Variants in SLC22A3 observed in about 807,000 individuals in gnomAD.
The protein encoded by SLC22A3 is EMT organic cation transporter 3.
SLC22A3 carries 51 observed loss-of-function variants against 59.1 expected under a neutral mutation model. The ratio of observed to expected loss-of-function variants is 0.86; its 90% CI spans 0.69 to 1.09. The LOEUF is 1.09. Among genes scored for constraint, SLC22A3 ranks in the 50% least tolerant of loss-of-function variants. The pLI is 0.00. For synonymous variants in SLC22A3, 325 were observed against 292.0 expected (o/e 1.11, Z -1.15); for missense variants, 711 against 726.3 (o/e 0.98, Z 0.24).
At chr6:160,420,839 G>A (rs547578496) in intron 5 of SLC22A3, among the ~76,000 whole-genome samples, 3 of 152,306 alleles carry the variant, frequency 2.0e-5, no homozygotes, top group East Asian at 3.9e-4. Flanking sequence ...AAGAAGACAC[G>A]GGATTCCCGC....
At chr6:160,423,954 G>C (rs1284582735) in intron 5 of SLC22A3, among the ~76,000 whole-genome samples, 1 of 152,152 alleles carries the variant, frequency 6.6e-6, no homozygotes, top group East Asian at 1.9e-4. Flanking sequence ...TATGGTTTCA[G>C]GTCTAACATT....
chr6:160,426,639 AC>A (rs2114894760), intron 5 of SLC22A3, among the ~76,000 whole-genome samples: 1 of 152,138 alleles, frequency 6.6e-6, no homozygotes, highest in African/African-American at 2.4e-5. Flanking sequence ...TGTCTACCCA[AC>A]TTGTTCATGT....
intron 9 of SLC22A3, among the ~76,000 whole-genome samples, chr6:160,445,954 C>G (rs539095348): frequency 2.5e-4 from 38 of 152,308 alleles, no homozygotes; most frequent in Non-Finnish European, 4.6e-4. Context: ...TGGAAGCCAC[C>G]TGGCAGTAGA....
intron 5 of SLC22A3, among the ~76,000 whole-genome samples, chr6:160,436,335 C>T (rs1788333907): frequency 6.6e-6 from 1 of 152,154 alleles, no homozygotes; most frequent in Non-Finnish European, 1.5e-5. Flanking sequence ...TGTTAGATTA[C>T]AATAAATGGG....
At chr6:160,372,806 T>C (rs911591081) in intron 1 of SLC22A3, among the ~76,000 whole-genome samples, 4 of 152,222 alleles carry the variant, frequency 2.6e-5, no homozygotes, top group African/African-American at 9.6e-5. Context: ...GATACTTGTG[T>C]ATGCTTCACA....
At chr6:160,365,415 T>C (rs778244414) in intron 1 of SLC22A3, among the ~76,000 whole-genome samples, 7 of 152,186 alleles carry the variant, frequency 4.6e-5, no homozygotes, top group Non-Finnish European at 7.3e-5. Context: ...CAGAATCACA[T>C]GGAGGGCTTG....
chr6:160,437,939 G>T (rs2457012), intron 7 of SLC22A3, among the ~76,000 whole-genome samples: 131,936 of 152,144 alleles, frequency 0.87, 57,648 homozygotes, highest in East Asian at 1. Context: ...ATCCAGACAA[G>T]GAGCCTGAGA....
intron 7 of SLC22A3, 136 bp downstream of exon 7, chr6:160,437,347 G>C (rs1788381984): frequency 2.3e-6 from 2 of 885,462 alleles, no homozygotes; most frequent in Admixed American, 2.0e-5. Flanking sequence ...TCCATTTTCT[G>C]CTTAATCAGC....
At chr6:160,348,968 G>T in intron 1 of SLC22A3, 120 bp downstream of exon 1, 1 of 1,523,178 alleles carries the variant, frequency 6.6e-7, no homozygotes, top group Non-Finnish European at 8.8e-7. Flanking sequence ...GGACCGGTCG[G>T]CTACCTCTGG....
chr6:160,350,396 T>C (rs552565506), intron 1 of SLC22A3, among the ~76,000 whole-genome samples: 5 of 152,334 alleles, frequency 3.3e-5, no homozygotes, highest in South Asian at 2.1e-4. Flanking sequence ...ACTTAATCCA[T>C]GGTAAGGCTG....
intron 9 of SLC22A3, among the ~76,000 whole-genome samples, chr6:160,445,136 T>C (rs1788693180): frequency 6.6e-6 from 1 of 152,178 alleles, no homozygotes; most frequent in Non-Finnish European, 1.5e-5. Context: ...CAGAATGTGA[T>C]AACTGCTGAG....
intron 1 of SLC22A3, among the ~76,000 whole-genome samples, chr6:160,352,686 T>C (rs1159254086): frequency 6.6e-6 from 1 of 152,220 alleles, no homozygotes; most frequent in East Asian, 1.9e-4. Flanking sequence ...ATTGTTTGTT[T>C]TTATTAGAAG....
At chr6:160,444,709 T>C (rs991123749) in intron 9 of SLC22A3, among the ~76,000 whole-genome samples, 9 of 152,224 alleles carry the variant, frequency 5.9e-5, no homozygotes, top group Non-Finnish European at 1.3e-4. Flanking sequence ...GGTTGGCCCC[T>C]TTCTCACGCA....
At chr6:160,395,256 A>G (rs1315372968) in intron 1 of SLC22A3, among the ~76,000 whole-genome samples, 1 of 152,202 alleles carries the variant, frequency 6.6e-6, no homozygotes, top group Non-Finnish European at 1.5e-5. Flanking sequence ...TTATGGGTTT[A>G]AAGAATATTT....
chr6:160,403,525 G>A (rs889728542), intron 2 of SLC22A3, among the ~76,000 whole-genome samples: 1 of 151,886 alleles, frequency 6.6e-6, no homozygotes, highest in Non-Finnish European at 1.5e-5. Flanking sequence ...GAAGTAGAGG[G>A]ATTGCTTTCT....
At position 160,447,829 on chromosome 6, in the gene SLC22A3, A is replaced by C. The variant is rs1290927822; in HGVS notation, c.1610+11A>C. ...AGAAAAACTTGGCAGGTACTGTACA[A>C]AATTCAATGCACCCTAAATAAAAGC... On this transcript the variant is annotated intron_variant, in intron 10 of 10. Transcript: ENST00000275300. 4 of 1,581,020 alleles carry C rather than the reference A, an allele frequency of 2.5e-6. No individual in the cohort carries two copies. Among genetic ancestry groups the C allele is most frequent in the South Asian group, 1.1e-5 (1 of 90,450 alleles).
intron 1 of SLC22A3, among the ~76,000 whole-genome samples, chr6:160,384,010 A>C (rs926037761): frequency 6.6e-6 from 1 of 152,092 alleles, no homozygotes; most frequent in Non-Finnish European, 1.5e-5. Flanking sequence ...GCTTACTACA[A>C]CATCTGCCTC....
At chr6:160,355,705 G>A (rs1307813448) in intron 1 of SLC22A3, among the ~76,000 whole-genome samples, 1 of 152,136 alleles carries the variant, frequency 6.6e-6, no homozygotes, top group African/African-American at 2.4e-5. Context: ...CCGGGAGGCG[G>A]AGCTTGCAGT....
At chr6:160,365,642 A>G (rs1207580973) in intron 1 of SLC22A3, among the ~76,000 whole-genome samples, 3 of 152,222 alleles carry the variant, frequency 2.0e-5, no homozygotes, top group Non-Finnish European at 2.9e-5. Context: ...CTTGAACAAA[A>G]AATGTGGCTT....
Sources: gnomAD v4.1 joint callset for allele counts (sites outside exome capture counted in the v4.1 genomes callset) on GRCh38, gnomAD v4.1.1 for gene constraint, MANE v1.5 for transcripts, NCBI Gene and HGNC (gene_info 2026-07-23, HGNC 2026-07-21) for gene names.